SPATA17: variants seen among roughly 807,000 people sequenced by gnomAD.
SPATA17 encodes the protein spermatogenesis associated 17, also known as spermatogenesis-associated protein 17.
Under a neutral mutation model 62.2 loss-of-function variants are expected in SPATA17, and 53 were observed. That is an observed-to-expected ratio of 0.85 (90% CI 0.68 to 1.07). SPATA17 has a LOEUF of 1.07. Ranked by LOEUF, SPATA17 falls within the 50% of genes least tolerant of loss-of-function variation. The probability of loss-of-function intolerance (pLI) is 0.00; values close to 1 mark genes in which losing one functional copy is unlikely to be tolerated. For missense variants in SPATA17, 466 were observed against 425.5 expected (o/e 1.10, Z -0.84); for synonymous variants, 146 against 146.8 (o/e 0.99, Z 0.04).
At chr1:217,736,654 T>G (rs753895630) in intron 5 of SPATA17, among the ~76,000 whole-genome samples, 2 of 151,962 alleles carry the variant, frequency 1.3e-5, no homozygotes, top group Non-Finnish European at 2.9e-5. Context: ...CAACATGAAG[T>G]GAGAGGGAGA....
At chr1:217,797,044 A>G (rs1674167070) in intron 8 of SPATA17, among the ~76,000 whole-genome samples, 2 of 152,182 alleles carry the variant, frequency 1.3e-5, no homozygotes, top group Admixed American at 1.3e-4. Flanking sequence ...CTACAATTGT[A>G]AAACATGTCT....
intron 9 of SPATA17, among the ~76,000 whole-genome samples, chr1:217,825,972 A>G (rs1249287768): frequency 1.3e-5 from 2 of 152,080 alleles, no homozygotes; most frequent in African/African-American, 2.4e-5. Flanking sequence ...GAAAGCTCTT[A>G]TTTATTTTCT....
intron 6 of SPATA17, among the ~76,000 whole-genome samples, chr1:217,753,669 A>G (rs544999465): frequency 2.0e-5 from 3 of 152,048 alleles, no homozygotes; most frequent in Non-Finnish European, 4.4e-5. Flanking sequence ...ATATGTACAT[A>G]CATGTATACA....
chr1:217,802,506 G>A (rs571603832), intron 9 of SPATA17, among the ~76,000 whole-genome samples: 1 of 152,170 alleles, frequency 6.6e-6, no homozygotes, highest in African/African-American at 2.4e-5. Context: ...CATAGTTTCT[G>A]GTGAGGCCTT....
chr1:217,731,134 CT>C (rs1337831577), intron 5 of SPATA17, among the ~76,000 whole-genome samples: 1 of 152,062 alleles, frequency 6.6e-6, no homozygotes, highest in East Asian at 1.9e-4. Context: ...GGTTTCTTCT[CT>C]GCATTCCTTG....
At chr1:217,693,207 G>T (rs537949370) in intron 5 of SPATA17, among the ~76,000 whole-genome samples, 1 of 151,114 alleles carries the variant, frequency 6.6e-6, no homozygotes, top group Admixed American at 6.6e-5. Context: ...GCTTCTTCCT[G>T]GTTTAGTCTT....
chr1:217,656,500 G>T (rs929656705), intron 3 of SPATA17, among the ~76,000 whole-genome samples: 2 of 151,932 alleles, frequency 1.3e-5, no homozygotes, highest in Non-Finnish European at 2.9e-5. Context: ...GTTCATGATG[G>T]TTTTTAAATC....
intron 5 of SPATA17, among the ~76,000 whole-genome samples, chr1:217,706,540 C>T (rs940305534): frequency 6.6e-6 from 1 of 152,164 alleles, no homozygotes; most frequent in Non-Finnish European, 1.5e-5. Flanking sequence ...TGCTCTCACA[C>T]GTTCTTGCTC....
chr1:217,857,276 C>A (rs759945109), intron 9 of SPATA17, among the ~76,000 whole-genome samples: 2 of 152,158 alleles, frequency 1.3e-5, no homozygotes, highest in Admixed American at 6.6e-5. Flanking sequence ...AGTAATCTTA[C>A]ACTTAGTGGG....
chr1:217,707,268 A>C (rs972374094), intron 5 of SPATA17, among the ~76,000 whole-genome samples: 6 of 151,910 alleles, frequency 3.9e-5, no homozygotes, highest in Non-Finnish European at 1.5e-5. Context: ...GTTTTTATAT[A>C]TTGATTTTGT....
rs1405265084 is a variant in SPATA17 at position 217,868,614 on chromosome 1, A to G, written c.*1595A>G. 6.6e-6 allele frequency: 1 copy of G among 151,974 alleles called. No homozygotes were observed. Among genetic ancestry groups the G allele is most frequent in the Non-Finnish European group, 1.5e-5 (1 of 68,010 alleles). 9.4% of individuals were successfully genotyped at this position (151,974 alleles called of 1,614,324 possible). On this transcript the variant is annotated 3_prime_UTR_variant, in exon 11 of 11. Coordinates refer to ENST00000366933, the MANE Select transcript of SPATA17 (RefSeq NM_138796.4). ...ACTGAATAGTTGTATGCATACTCAA[A>G]GTATGGTTTCTACTGAATGCATTGT...
intron 8 of SPATA17, among the ~76,000 whole-genome samples, chr1:217,792,463 T>C (rs1674017879): frequency 6.6e-6 from 1 of 152,220 alleles, no homozygotes; most frequent in South Asian, 2.1e-4. Context: ...TCTGCTTCTT[T>C]CTACTGACTA....
At chr1:217,710,209 A>G (rs1021336552) in intron 5 of SPATA17, among the ~76,000 whole-genome samples, 3 of 152,190 alleles carry the variant, frequency 2.0e-5, no homozygotes, top group Non-Finnish European at 4.4e-5. Flanking sequence ...GATAAATGGG[A>G]TTGATTAATT....
chr1:217,750,457 A>C lies in SPATA17; in HGVS notation c.519+8359A>C, dbSNP rs1037422594. 2.0e-5 allele frequency among the ~76,000 whole-genome samples: 3 copies of C among 152,188 alleles called. No homozygotes were observed. The South Asian group carries it at 6.2e-4, about 31-fold the overall frequency. On this transcript the variant is annotated intron_variant, in intron 6 of 10. Coordinates refer to ENST00000366933, the MANE Select transcript of SPATA17 (RefSeq NM_138796.4). ...GCACTAAAAAGAATATTAAGAGGAC[A>C]TGCAGAAGAAATGTATCAGTTGTGT...
At chr1:217,832,136 T>C (rs1293108314) in intron 9 of SPATA17, among the ~76,000 whole-genome samples, 1 of 152,046 alleles carries the variant, frequency 6.6e-6, no homozygotes, top group East Asian at 1.9e-4. Context: ...GTCCAAAGGG[T>C]AGAAGTAATT....
intron 6 of SPATA17, among the ~76,000 whole-genome samples, chr1:217,753,561 A>T (rs1672966365): frequency 6.6e-6 from 1 of 151,888 alleles, no homozygotes; most frequent in African/African-American, 2.4e-5. Flanking sequence ...CTTATTAGGT[A>T]TGGGTAGAGA....
intron 5 of SPATA17, among the ~76,000 whole-genome samples, chr1:217,722,617 C>A (rs572190341): frequency 7.9e-5 from 12 of 152,254 alleles, no homozygotes; most frequent in African/African-American, 2.9e-4. Flanking sequence ...TTTGAATGAG[C>A]ATTTTTAAAG....
intron 9 of SPATA17, among the ~76,000 whole-genome samples, chr1:217,858,994 C>T (rs556730923): frequency 1.3e-4 from 19 of 151,784 alleles, no homozygotes; most frequent in African/African-American, 4.3e-4. Flanking sequence ...TGCTACTGCA[C>T]TCCAGCCTGG....
intron 5 of SPATA17, among the ~76,000 whole-genome samples, chr1:217,717,285 G>A (rs1672026074): frequency 6.6e-6 from 1 of 152,144 alleles, no homozygotes; most frequent in Admixed American, 6.5e-5. Context: ...TGGGAATTTG[G>A]TTATTGGAGA....
Sources: gnomAD v4.1 joint callset for allele counts (sites outside exome capture counted in the v4.1 genomes callset) on GRCh38, gnomAD v4.1.1 for gene constraint, MANE v1.5 for transcripts, NCBI Gene and HGNC (gene_info 2026-07-23, HGNC 2026-07-21) for gene names.